Variants in SLC12A8 observed in about 807,000 individuals in gnomAD.
SLC12A8 encodes the protein solute carrier family 12 member 8.
SLC12A8 carries 69 observed loss-of-function variants against 75.6 expected under a neutral mutation model. The ratio of observed to expected loss-of-function variants is 0.91; its 90% CI spans 0.75 to 1.11. The LOEUF (loss-of-function observed/expected upper bound fraction) is 1.11. Ranked by LOEUF, SLC12A8 falls within the 50% of genes most tolerant of loss-of-function variation. The probability of loss-of-function intolerance (pLI) is 0.00; values close to 1 mark genes in which losing one functional copy is unlikely to be tolerated. For synonymous variants in SLC12A8, 365 were observed against 372.8 expected, an observed-to-expected ratio of 0.98 and a Z score of 0.24; for missense variants, 877 against 896.7, an observed-to-expected ratio of 0.98 and a Z score of 0.28.
At chr3:125,120,541 G>T in intron 7 of SLC12A8, 58 bp downstream of exon 7, 1 of 1,268,082 alleles carries the variant, frequency 7.9e-7, no homozygotes, top group Non-Finnish European at 1.1e-6. Flanking sequence ...TCCCTCTTCT[G>T]CCTGGGGTTT....
chr3:125,205,921 C>A (rs1708579411), intron 2 of SLC12A8, among the ~76,000 whole-genome samples: 1 of 152,148 alleles, frequency 6.6e-6, no homozygotes, highest in African/African-American at 2.4e-5. Flanking sequence ...TCCACCCAAC[C>A]ATTTGGGCCC....
chr3:125,193,045 C>T (rs1424425811), intron 2 of SLC12A8, among the ~76,000 whole-genome samples: 1 of 152,218 alleles, frequency 6.6e-6, no homozygotes. Context: ...TTCCCAGATG[C>T]CACGCTGCCT....
intron 2 of SLC12A8, among the ~76,000 whole-genome samples, chr3:125,204,173 T>C (rs954679805): frequency 6.6e-6 from 1 of 152,172 alleles, no homozygotes; most frequent in Non-Finnish European, 1.5e-5. Flanking sequence ...GAAAACAATA[T>C]GGAAGCTCAT....
intron 4 of SLC12A8, among the ~76,000 whole-genome samples, chr3:125,183,306 C>A (rs1367296538): frequency 2.6e-5 from 4 of 152,150 alleles, no homozygotes; most frequent in Non-Finnish European, 4.4e-5. Flanking sequence ...AAATCTTAGA[C>A]CAGGCATTCC....
intron 5 of SLC12A8, among the ~76,000 whole-genome samples, chr3:125,142,961 G>A (rs1933685573): frequency 6.6e-6 from 1 of 152,186 alleles, no homozygotes; most frequent in African/African-American, 2.4e-5. Context: ...CTCCAGAACC[G>A]TGAAACAAGC....
chr3:125,168,112 G>A (rs373637776), intron 5 of SLC12A8, among the ~76,000 whole-genome samples: 2 of 152,342 alleles, frequency 1.3e-5, no homozygotes, highest in African/African-American at 4.8e-5. Flanking sequence ...GATAAATTCT[G>A]ATTTGGACAT....
chr3:125,084,102 G>A (rs1227261781), intron 13 of SLC12A8, 50 bp from the exon 14 acceptor site: 3 of 1,511,990 alleles, frequency 2.0e-6, no homozygotes, highest in Non-Finnish European at 2.7e-6. Flanking sequence ...AACAGAGACT[G>A]AACAGTAGAG....
chr3:125,174,278 G>A (rs1374885465), intron 5 of SLC12A8, among the ~76,000 whole-genome samples: 1 of 152,130 alleles, frequency 6.6e-6, no homozygotes, highest in Non-Finnish European at 1.5e-5. Flanking sequence ...ACAATGATGA[G>A]ATATTACTAT....
At chr3:125,102,762 G>A (rs900645905) in intron 10 of SLC12A8, among the ~76,000 whole-genome samples, 1 of 152,122 alleles carries the variant, frequency 6.6e-6, no homozygotes, top group East Asian at 1.9e-4. Context: ...GAATGAAACA[G>A]ACATAAACCC....
At chr3:125,119,898 T>C (rs1003848095) in intron 7 of SLC12A8, 3 of 456,570 alleles carry the variant, frequency 6.6e-6, no homozygotes, top group Non-Finnish European at 1.3e-5. Flanking sequence ...CTTCCTGTGG[T>C]ACAGAGAGAA....
chr3:125,123,685 G>C (rs1417112320), intron 6 of SLC12A8: 3 of 152,096 alleles, frequency 2.0e-5, no homozygotes, highest in Non-Finnish European at 4.4e-5. Flanking sequence ...ACTGCCATGG[G>C]AACAGCACGG....
intron 7 of SLC12A8, 34 bp downstream of exon 7, chr3:125,120,565 C>G (rs765801073): frequency 6.6e-7 from 1 of 1,523,500 alleles, no homozygotes; most frequent in Admixed American, 1.7e-5. Context: ...CTCCCACTCT[C>G]TAGCTCAGAC....
rs200980342 is a variant in SLC12A8, at chr3:125,198,256, T to TAAAA, written c.52-7739_52-7736dup. Among the ~76,000 whole-genome samples, 9 of 130,664 alleles carry TAAAA rather than the reference T, an allele frequency of 6.9e-5. No homozygotes were observed. The South Asian group carries it at 1.3e-3, about 19-fold the overall frequency. The allele number at this position is 130,664 out of a possible 152,430, so 85.7% of individuals were successfully genotyped here. A position where few individuals can be genotyped will look rare whatever the true frequency, so the allele number is the denominator to read the frequency against. ...TACAAAATAACCAACATGTGTTCTT[T>TAAAA]AAAAAAAAAAAAACAAAACAGTCAA... On this transcript the variant is annotated intron_variant, in intron 2 of 13. Transcript: ENST00000469902.
chr3:125,188,990 A>G (rs965061672), intron 3 of SLC12A8, among the ~76,000 whole-genome samples: 1 of 152,192 alleles, frequency 6.6e-6, no homozygotes, highest in African/African-American at 2.4e-5. Flanking sequence ...TTGCCTATGT[A>G]ATGGTTAATT....
chr3:125,116,002 C>T (rs183616138), intron 8 of SLC12A8, among the ~76,000 whole-genome samples: 27 of 152,104 alleles, frequency 1.8e-4, no homozygotes, highest in Admixed American at 3.3e-4. Flanking sequence ...GTGTAGGTTG[C>T]ACCCTCCCAT....
At position 125,128,871 on chromosome 3, in the gene SLC12A8, A is replaced by G. The variant is rs56972142; in HGVS notation, c.736+6798T>C. Among the ~76,000 whole-genome samples the G allele has an allele frequency of 2.0e-5, 3 of 152,238 alleles. No homozygotes were observed. The East Asian group carries it at 5.8e-4, about 29-fold the overall frequency. ...GGGAATGGGGGAAGTAGGCCAGAGG[A>G]GGGGTGAGCACTAACAGCCGGGCTG... On this transcript the variant is annotated intron_variant, in intron 6 of 13. Transcript: ENST00000469902.
In SLC12A8 at chr3:125,190,483, C is replaced by T. The variant is rs773883730; in HGVS notation, c.90G>A (p.Gln30=). 1.9e-6 allele frequency: 3 copies of T among 1,614,186 alleles called. No individual in the cohort carries two copies. The South Asian group carries it at 3.3e-5, about 18-fold the overall frequency. ...ACAGCACAGGCTCCCACATGAACAG[C>T]TGGGTCTTCCACCAGGGCTGGGGCT... is the stretch of plus-strand genomic sequence containing the variant. ...LAQPQPWWKT[Q]LFMWEPVLFG... The change falls in exon 3 of 14, where the codon CAG becomes CAA. Residue 30 remains glutamine, a synonymous_variant. Transcript: ENST00000469902.
chr3:125,082,876 T>A lies in SLC12A8; in HGVS notation c.*1014A>T, dbSNP rs1322511388. On this transcript the variant is annotated 3_prime_UTR_variant, in exon 14 of 14. Transcript: ENST00000469902. Reference sequence around the variant, plus strand: ...GGCGAAATAAATTATAACACATTTATACAATGAAAAAAATGAACAAATGGC... The same window carrying A: ...GGCGAAATAAATTATAACACATTTAAACAATGAAAAAAATGAACAAATGGC... The A allele has an allele frequency of 9.2e-5, 14 of 152,150 alleles. No individual in the cohort carries two copies. Among genetic ancestry groups the A allele is most frequent in the Admixed American group, 8.5e-4 (13 of 15,286 alleles). The allele number at this position is 152,150 out of a possible 1,614,324, so 9.4% of individuals were successfully genotyped here.
At chr3:125,085,278 C>G (rs897028637) in intron 13 of SLC12A8, among the ~76,000 whole-genome samples, 1 of 152,182 alleles carries the variant, frequency 6.6e-6, no homozygotes, top group African/African-American at 2.4e-5. Flanking sequence ...TCTTCTGAGT[C>G]TGGAGAAGTA....
Sources: allele counts gnomAD v4.1 joint callset (sites outside exome capture counted in the v4.1 genomes callset), GRCh38; gene constraint gnomAD v4.1.1; transcripts MANE v1.5; gene names NCBI Gene and HGNC (gene_info 2026-07-23, HGNC 2026-07-21).